MGAM2: variants seen among roughly 807,000 people sequenced by gnomAD.
MGAM2 encodes the protein probable maltase-glucoamylase 2.
A neutral mutation model predicts 96.1 loss-of-function variants in MGAM2; 98 were observed. The ratio of observed to expected loss-of-function variants is 1.02; its 90% CI spans 0.87 to 1.21. MGAM2 has a LOEUF of 1.21. Ranked by LOEUF, MGAM2 falls within the 50% of genes most tolerant of loss-of-function variation. The probability of loss-of-function intolerance (pLI) is 0.00; values close to 1 mark genes in which losing one functional copy is unlikely to be tolerated. For synonymous variants in MGAM2, 749 were observed against 414.8 expected (o/e 1.81, Z -9.79); for missense variants, 2,055 against 1,182.4 (o/e 1.74, Z -10.82).
chr7:142,157,925 A>AT lies in MGAM2; in HGVS notation c.1924-8dup, dbSNP rs1274303809. The AT allele has an allele frequency of 1.4e-6, 1 of 702,098 alleles. No individual in the cohort carries two copies. The highest frequency in any genetic ancestry group is 2.7e-5 in the East Asian group (1 of 37,280). 43.5% of individuals were successfully genotyped at this position (702,098 alleles called of 1,614,324 possible). ...AAAGAAATATTCAGCCATTCCTTCCATTTTCTCCTAGGACCAGGATCCCGC... is the reference window on the plus strand; with the variant it reads ...AAAGAAATATTCAGCCATTCCTTCCATTTTTCTCCTAGGACCAGGATCCCGC... On this transcript the variant is annotated splice_polypyrimidine_tract_variant and intron_variant, in intron 17 of 47. Coordinates refer to ENST00000477922, the MANE Select transcript of MGAM2 (RefSeq NM_001293626.2).
At position 142,221,884 on chromosome 7, in the gene MGAM2, T is replaced by C. The variant is rs1442154240; in HGVS notation, c.7373T>C (p.Met2458Thr). ...GGTCTAGATTCACAAACTCCCCATA[T>C]GGTAATAAATTCTGTGGCTACTTAT... ...ATGLDSQTPHMVINSVATYLP... is the reference protein window; with the variant it reads ...ATGLDSQTPHTVINSVATYLP... Residue 2458 changes from methionine to threonine, a missense_variant, in exon 48 of 48, where the codon ATG becomes ACG. Physicochemically the swap from Met to Thr is moderately conservative, Grantham distance 81. Transcript: ENST00000477922. The C allele has an allele frequency of 3.2e-5, 13 of 400,296 alleles. No homozygotes were observed. Among genetic ancestry groups the C allele is most frequent in the Non-Finnish European group, 4.0e-5 (9 of 227,102 alleles). The allele number at this position is 400,296 out of a possible 1,614,324, so 24.8% of individuals were successfully genotyped here.
chr7:142,162,874 G>A (rs1795929226), intron 23 of MGAM2, among the ~76,000 whole-genome samples: 1 of 151,412 alleles, frequency 6.6e-6, no homozygotes, highest in South Asian at 2.1e-4. Context: ...TGATGCTATC[G>A]AGATACAGAA....
chr7:142,132,713 A>C (rs1455506294), intron 6 of MGAM2, among the ~76,000 whole-genome samples: 1 of 126,126 alleles, frequency 7.9e-6, no homozygotes, highest in Non-Finnish European at 1.5e-5. Flanking sequence ...AATATAATTA[A>C]TATTAATAAT....
intron 31 of MGAM2, among the ~76,000 whole-genome samples, chr7:142,174,080 A>G (rs1403902572): frequency 6.6e-6 from 1 of 152,152 alleles, no homozygotes; most frequent in Non-Finnish European, 1.5e-5. Flanking sequence ...TGATTACTGT[A>G]GCCCTGTAGC....
At chr7:142,137,389 T>C (rs1185235086) in intron 8 of MGAM2, 44 bp from the exon 9 acceptor site, 1 of 668,276 alleles carries the variant, frequency 1.5e-6, no homozygotes, top group Admixed American at 2.2e-5. Flanking sequence ...AAGAGTTTAC[T>C]TCCAACCATA....
At chr7:142,219,683 A>G (rs889220729) in intron 47 of MGAM2, among the ~76,000 whole-genome samples, 187 bp from the exon 48 acceptor site, 6 of 152,202 alleles carry the variant, frequency 3.9e-5, no homozygotes, top group African/African-American at 1.4e-4. Flanking sequence ...GATTATGCAC[A>G]CAGAGCATCT....
intron 46 of MGAM2, among the ~76,000 whole-genome samples, chr7:142,217,279 G>T (rs751275861): frequency 6.6e-6 from 1 of 152,112 alleles, no homozygotes; most frequent in Non-Finnish European, 1.5e-5. Flanking sequence ...TCAGTCTAGG[G>T]ACTGTTTGCC....
chr7:142,184,709 T>C (rs1796642864), intron 33 of MGAM2, among the ~76,000 whole-genome samples: 1 of 152,238 alleles, frequency 6.6e-6, no homozygotes, highest in African/African-American at 2.4e-5. Context: ...GGGTTATGAA[T>C]GGAAATCAAT....
intron 33 of MGAM2, among the ~76,000 whole-genome samples, chr7:142,184,212 A>T (rs2129095431): frequency 6.6e-6 from 1 of 151,914 alleles, no homozygotes; most frequent in East Asian, 1.9e-4. Flanking sequence ...ACTTCTGGTG[A>T]TCCACCTGCC....
chr7:142,180,523 T>C (rs10252265), intron 32 of MGAM2, among the ~76,000 whole-genome samples: 77,281 of 151,972 alleles, frequency 0.51, 20,929 homozygotes, highest in African/African-American at 0.7. Flanking sequence ...TAGGGATGAT[T>C]ATCTTGCATA....
chr7:142,167,138 AG>A (rs1796051451), intron 25 of MGAM2, 129 bp from the exon 26 acceptor site: 1 of 573,508 alleles, frequency 1.7e-6, no homozygotes, highest in Non-Finnish European at 3.1e-6. Context: ...CATCTTTTTT[AG>A]GGGACACAAT....
chr7:142,205,298 TA>T (rs1196960524), intron 45 of MGAM2, among the ~76,000 whole-genome samples: 29 of 152,226 alleles, frequency 1.9e-4, no homozygotes, highest in African/African-American at 6.7e-4. Context: ...GACACACTTT[TA>T]AAAACTCTCT....
At position 142,116,984 on chromosome 7, in the gene MGAM2, G is replaced by A. The variant is rs1445417236; in HGVS notation, c.106+5G>A. On this transcript the variant is annotated splice_donor_5th_base_variant and intron_variant, in intron 2 of 47. Coordinates refer to ENST00000477922, the MANE Select transcript of MGAM2 (RefSeq NM_001293626.2). ...TTGTGTTGGAGGAAACTTCAGGTAA[G>A]GGAGATGCTTGTAGGTTGGAAGGCT... The A allele has an allele frequency of 5.7e-6, 4 of 703,066 alleles. No homozygotes were observed. In the South Asian group the frequency reaches 5.9e-5, roughly 10 times the overall value. The allele number at this position is 703,066 out of a possible 1,614,324, so 43.6% of individuals were successfully genotyped here.
intron 23 of MGAM2, 142 bp downstream of exon 23, chr7:142,162,146 C>T: frequency 2.0e-6 from 1 of 489,098 alleles, no homozygotes; most frequent in East Asian, 3.4e-5. Context: ...ATCAAATGAA[C>T]ATGAAAGTGT....
chr7:142,216,213 T>C (rs2129107031), intron 46 of MGAM2, among the ~76,000 whole-genome samples: 1 of 152,318 alleles, frequency 6.6e-6, no homozygotes, highest in Admixed American at 6.5e-5. Context: ...TTAAGAGTAG[T>C]TGGGTTGAAG....
At chr7:142,203,228 T>C (rs1797293069) in intron 45 of MGAM2, among the ~76,000 whole-genome samples, 1 of 152,154 alleles carries the variant, frequency 6.6e-6, no homozygotes, top group African/African-American at 2.4e-5. Flanking sequence ...ACTCTGTAGG[T>C]TGTCTACTCT....
At chr7:142,145,616 T>G (rs1030378482) in intron 14 of MGAM2, among the ~76,000 whole-genome samples, 1 of 152,208 alleles carries the variant, frequency 6.6e-6, no homozygotes, top group Non-Finnish European at 1.5e-5. Context: ...CTCAGTGGAT[T>G]AACACAATAA....
rs71727326 is a variant in MGAM2, at chr7:142,168,271, C to CT, written c.3027+800dup. Among the ~76,000 whole-genome samples the CT allele has an allele frequency of 9.2e-3, 1,292 of 140,882 alleles. 8 individuals are homozygous for CT. Among genetic ancestry groups the CT allele is most frequent in the South Asian group, 0.035 (154 of 4,364 alleles). The allele number at this position is 140,882 out of a possible 152,430, so 92.4% of individuals were successfully genotyped here. On this transcript the variant is annotated intron_variant, in intron 26 of 47. Coordinates refer to ENST00000477922, the MANE Select transcript of MGAM2 (RefSeq NM_001293626.2). ...CTAGCCTGAGGATTTGCATTTCTTTCTTTTTTTTTTTTTTTGAGACAGAGT... is the reference window on the plus strand; with the variant it reads ...CTAGCCTGAGGATTTGCATTTCTTTCTTTTTTTTTTTTTTTTGAGACAGAGT...
chr7:142,182,070 C>A (rs932766045), intron 32 of MGAM2, among the ~76,000 whole-genome samples: 3 of 152,134 alleles, frequency 2.0e-5, no homozygotes, highest in African/African-American at 7.2e-5. Context: ...GAGGCATGCC[C>A]AACTCCCACA....
Sources: allele counts gnomAD v4.1 joint callset (sites outside exome capture counted in the v4.1 genomes callset), GRCh38; gene constraint gnomAD v4.1.1; transcripts MANE v1.5; gene names NCBI Gene and HGNC (gene_info 2026-07-23, HGNC 2026-07-21).